ETHE1: variants seen among roughly 807,000 people sequenced by gnomAD.
ETHE1 encodes ETHE1 persulfide dioxygenase, also known as persulfide dioxygenase ETHE1, mitochondrial.
Under a neutral mutation model 25.7 loss-of-function variants are expected in ETHE1, and 16 were observed. The observed-to-expected ratio is 0.62, with a 90% CI of 0.42 to 0.95. The LOEUF (loss-of-function observed/expected upper bound fraction) is 0.95. Among genes scored for constraint, ETHE1 ranks in the 40% least tolerant of loss-of-function variants. The probability of loss-of-function intolerance (pLI) is 0.00; values close to 1 mark genes in which losing one functional copy is unlikely to be tolerated. For missense variants in ETHE1, 300 were observed against 333.6 expected (o/e 0.90, Z 0.79); for synonymous variants, 139 against 135.9 (o/e 1.02, Z -0.16).
chr19:43,525,130 A>AAAAAAAAAG (rs1972213737), intron 3 of ETHE1, among the ~76,000 whole-genome samples: 1 of 150,696 alleles, frequency 6.6e-6, no homozygotes, highest in South Asian at 2.1e-4. Flanking sequence ...TCAAATAAAA[A>AAAAAAAAAG]AAAAAAAGAA....
At chr19:43,522,341 C>T (rs978848399) in intron 3 of ETHE1, among the ~76,000 whole-genome samples, 3 of 152,140 alleles carry the variant, frequency 2.0e-5, no homozygotes, top group African/African-American at 7.2e-5. Flanking sequence ...AGGAGGATCA[C>T]TTGAGCCCAG....
chr19:43,517,639 T>A (rs1287409368), intron 3 of ETHE1, among the ~76,000 whole-genome samples: 2 of 151,538 alleles, frequency 1.3e-5, no homozygotes, highest in African/African-American at 4.8e-5. Flanking sequence ...TAGTCAGGCG[T>A]GGTGGTGATG....
chr19:43,518,620 G>A (rs1382792712), intron 3 of ETHE1, among the ~76,000 whole-genome samples: 1 of 151,374 alleles, frequency 6.6e-6, no homozygotes, highest in East Asian at 2.0e-4. Context: ...GCGTGGTGGT[G>A]GGCGTCTGTA....
intron 3 of ETHE1, among the ~76,000 whole-genome samples, chr19:43,524,856 T>C (rs2146015604): frequency 6.6e-6 from 1 of 151,830 alleles, no homozygotes; most frequent in South Asian, 2.1e-4. Flanking sequence ...CAGTGGCTCA[T>C]GCCTGTAATC....
chr19:43,523,087 C>T (rs1972167540), intron 3 of ETHE1, among the ~76,000 whole-genome samples: 1 of 152,152 alleles, frequency 6.6e-6, no homozygotes, highest in South Asian at 2.1e-4. Flanking sequence ...ACAGGCAAAA[C>T]CGGCCTGTGG....
At chr19:43,512,506 A>T (rs567463689) in intron 3 of ETHE1, among the ~76,000 whole-genome samples, 1 of 152,256 alleles carries the variant, frequency 6.6e-6, no homozygotes, top group East Asian at 1.9e-4. Context: ...AGATCTGTGG[A>T]ACTTTGAACT....
At chr19:43,524,935 A>G (rs1352875011) in intron 3 of ETHE1, among the ~76,000 whole-genome samples, 3 of 152,020 alleles carry the variant, frequency 2.0e-5, no homozygotes, top group South Asian at 2.1e-4. Context: ...ACTTGTGCCC[A>G]GTAGTTCAAG....
At chr19:43,523,159 G>A (rs371008102) in intron 3 of ETHE1, among the ~76,000 whole-genome samples, 47 of 152,326 alleles carry the variant, frequency 3.1e-4, no homozygotes, top group African/African-American at 9.9e-4. Flanking sequence ...GGGAGGCAAG[G>A]AAGACTTCTG....
intron 1 of ETHE1, chr19:43,526,864 G>C (rs1972262441): frequency 6.8e-7 from 1 of 1,474,912 alleles, no homozygotes; most frequent in African/African-American, 1.4e-5. Flanking sequence ...CCCAAAATCA[G>C]GGTCCCCAGC....
chr19:43,519,282 G>T (rs1260441285), intron 3 of ETHE1, among the ~76,000 whole-genome samples: 1 of 152,020 alleles, frequency 6.6e-6, no homozygotes, highest in Non-Finnish European at 1.5e-5. Context: ...AAAGTGCCAG[G>T]ATTACAGGCG....
chr19:43,523,496 C>T (rs1972177182), intron 3 of ETHE1, among the ~76,000 whole-genome samples: 1 of 150,242 alleles, frequency 6.7e-6, no homozygotes. Flanking sequence ...AGGCTGATCT[C>T]GAACTTCTGA....
intron 3 of ETHE1, among the ~76,000 whole-genome samples, chr19:43,522,071 T>G (rs1374620801): frequency 6.6e-6 from 1 of 152,028 alleles, no homozygotes; most frequent in Non-Finnish European, 1.5e-5. Flanking sequence ...GCCATCAGTT[T>G]TTGTAAGGCC....
intron 3 of ETHE1, among the ~76,000 whole-genome samples, chr19:43,513,559 G>C (rs1971961768): frequency 6.6e-6 from 1 of 152,180 alleles, no homozygotes; most frequent in Non-Finnish European, 1.5e-5. Flanking sequence ...CACGGAGCCT[G>C]CAGCCCCTTC....
chr19:43,515,009 G>T (rs998417411), intron 3 of ETHE1, among the ~76,000 whole-genome samples: 3 of 152,078 alleles, frequency 2.0e-5, no homozygotes, highest in African/African-American at 4.8e-5. Context: ...AACAGATCTT[G>T]CAAACCAATT....
intron 3 of ETHE1, chr19:43,525,760 G>A (rs961447158): frequency 3.8e-6 from 1 of 263,282 alleles, no homozygotes; most frequent in Admixed American, 5.1e-5. Flanking sequence ...TTGCACTCCA[G>A]GGTCCTCACC....
Position 43,511,544 on chromosome 19 carries a change from G to A in ETHE1, c.398C>T (p.Pro133Leu). 1 of 1,613,982 alleles carries A rather than the reference G, an allele frequency of 6.2e-7. No individual in the cohort carries two copies. Among genetic ancestry groups the A allele is most frequent in the Non-Finnish European group, 8.5e-7 (1 of 1,180,022 alleles). Reference protein sequence around the residue: ...GRFALETRASPGHTPGCVTFV... With the variant: ...GRFALETRASLGHTPGCVTFV... ...GGTGACACAGCCTGGGGTGTGGCCA[G>A]GGCTGGCCCTGGTCTCCAACGCCTG... is the stretch of plus-strand genomic sequence containing the variant. The change falls in exon 4 of 7, where the codon CCT (proline) becomes CTT (leucine). Residue 133 changes from proline (P) to leucine (L), a missense_variant. Pro to Leu is a moderately conservative substitution (Grantham distance 98). Transcript: ENST00000292147.
At chr19:43,524,009 G>A (rs1009741213) in intron 3 of ETHE1, among the ~76,000 whole-genome samples, 5 of 152,036 alleles carry the variant, frequency 3.3e-5, no homozygotes, top group African/African-American at 1.2e-4. Flanking sequence ...GCCAGGGCGC[G>A]CGGATCACCT....
At chr19:43,524,339 C>T (rs546940119) in intron 3 of ETHE1, among the ~76,000 whole-genome samples, 3 of 149,020 alleles carry the variant, frequency 2.0e-5, no homozygotes, top group African/African-American at 7.5e-5. Context: ...AAACCAAGAT[C>T]GCACCACTGC....
chr19:43,516,908 G>C (rs749195815), intron 3 of ETHE1, among the ~76,000 whole-genome samples: 1 of 152,098 alleles, frequency 6.6e-6, no homozygotes, highest in South Asian at 2.1e-4. Context: ...GGGATTACAG[G>C]TGTGATGTGC....
Sources: gnomAD v4.1 joint callset for allele counts (sites outside exome capture counted in the v4.1 genomes callset) on GRCh38, gnomAD v4.1.1 for gene constraint, MANE v1.5 for transcripts, NCBI Gene and HGNC (gene_info 2026-07-23, HGNC 2026-07-21) for gene names.